SV2B: variants seen among roughly 807,000 people sequenced by gnomAD.
SV2B encodes solute carrier family 22 member B2.
SV2B carries 41 observed loss-of-function variants against 73.9 expected under a neutral mutation model. The ratio of observed to expected loss-of-function variants is 0.56; its 90% CI spans 0.43 to 0.72. SV2B has a LOEUF of 0.72. Among genes scored for constraint, SV2B ranks in the 30% least tolerant of loss-of-function variants. The pLI is 0.00. For synonymous variants in SV2B, 314 were observed against 314.2 expected, an observed-to-expected ratio of 1.00 and a Z score of 0.01; for missense variants, 764 against 857.8, an observed-to-expected ratio of 0.89 and a Z score of 1.37.
intron 1 of SV2B, among the ~76,000 whole-genome samples, chr15:91,146,637 GT>G (rs1477039235): frequency 6.6e-6 from 1 of 152,082 alleles, no homozygotes; most frequent in African/African-American, 2.4e-5. Context: ...AGTATTTGTA[GT>G]TTTCCTTGTA....
chr15:91,162,931 A>C (rs1201215034), intron 1 of SV2B, among the ~76,000 whole-genome samples: 6 of 141,418 alleles, frequency 4.2e-5, no homozygotes, highest in South Asian at 5.0e-4. Context: ...ACCCCACGAC[A>C]GGCTCCTGTG....
intron 2 of SV2B, among the ~76,000 whole-genome samples, chr15:91,244,326 T>C (rs1021521125): frequency 4.6e-5 from 7 of 152,226 alleles, no homozygotes; most frequent in African/African-American, 1.7e-4. Context: ...TGTATCCAAA[T>C]ATCTTATGTG....
chr15:91,149,075 A>C (rs1019421268), intron 1 of SV2B, among the ~76,000 whole-genome samples: 1 of 152,206 alleles, frequency 6.6e-6, no homozygotes, highest in African/African-American at 2.4e-5. Flanking sequence ...GCCAGCTCTT[A>C]ATCCTGGTGG....
intron 1 of SV2B, among the ~76,000 whole-genome samples, chr15:91,111,675 G>A (rs2042039752): frequency 6.6e-6 from 1 of 152,148 alleles, no homozygotes; most frequent in South Asian, 2.1e-4. Context: ...TGGTGTATTA[G>A]TCTGTTCTTT....
Position 91,136,295 on chromosome 15 carries a change from G to A in SV2B, c.-392+35932G>A, listed in dbSNP as rs373413910. 1.4e-4 allele frequency among the ~76,000 whole-genome samples: 22 copies of A among 152,126 alleles called. No homozygotes were observed. The highest frequency in any genetic ancestry group is 4.6e-4 in the African/African-American group (19 of 41,438). On this transcript the variant is annotated intron_variant, in intron 1 of 12. Transcript: ENST00000394232. This position sits in a 1 kb window ranked among gnomAD's most constrained non-coding sequence, Gnocchi z 5.6. ...AACCTCAGATTAGTCGGGAGAGAGC[G>A]GCCGACCTCAGCAGGTTGCTGGAAG... is the stretch of plus-strand genomic sequence containing the variant.
Position 91,140,249 on chromosome 15 carries a change from A to G in SV2B, c.-392+39886A>G, listed in dbSNP as rs975663581. 2.0e-5 allele frequency among the ~76,000 whole-genome samples: 3 copies of G among 152,232 alleles called. No individual in the cohort carries two copies. The highest frequency in any genetic ancestry group is 6.5e-5 in the Admixed American group (1 of 15,290). On this transcript the variant is annotated intron_variant, in intron 1 of 12. Coordinates refer to ENST00000394232, the MANE Select transcript of SV2B (RefSeq NM_001323032.3). This position sits in a 1 kb window ranked among gnomAD's most constrained non-coding sequence, Gnocchi z 4.4. ...TCAAAGTAATAGCAGCTAGGAACAA[A>G]GTTACATTTTCTCAAGCCTTGACAT...
rs1022140314 is a variant in SV2B at position 91,124,898 on chromosome 15, C to T, written c.-392+24535C>T. ...CGAACTCCTGACTTCAAGTGATCCACCCGCCTCGGCCTCCCAAAGTGCTGA... is the reference window on the plus strand; with the variant it reads ...CGAACTCCTGACTTCAAGTGATCCATCCGCCTCGGCCTCCCAAAGTGCTGA... On this transcript the variant is annotated intron_variant, in intron 1 of 12. Coordinates refer to ENST00000394232, the MANE Select transcript of SV2B (RefSeq NM_001323032.3). This position sits in a 1 kb window ranked among gnomAD's most constrained non-coding sequence, Gnocchi z 4.6. Among the ~76,000 whole-genome samples the T allele has an allele frequency of 6.6e-6, 1 of 152,188 alleles. No individual in the cohort carries two copies. The highest frequency in any genetic ancestry group is 1.5e-5 in the Non-Finnish European group (1 of 68,040).
intron 1 of SV2B, among the ~76,000 whole-genome samples, chr15:91,113,790 A>T (rs1166082131): frequency 2.0e-5 from 3 of 152,160 alleles, no homozygotes; most frequent in Non-Finnish European, 2.9e-5. Context: ...GACAAGTTTA[A>T]CTTCACAGAG....
At chr15:91,272,016 C>G (rs1226326812) in intron 9 of SV2B, among the ~76,000 whole-genome samples, 1 of 152,170 alleles carries the variant, frequency 6.6e-6, no homozygotes, top group Non-Finnish European at 1.5e-5. Flanking sequence ...AAAGGAAATT[C>G]TATTGAAACC....
intron 1 of SV2B, among the ~76,000 whole-genome samples, chr15:91,188,782 A>G (rs1316484213): frequency 6.6e-6 from 1 of 152,024 alleles, no homozygotes; most frequent in Non-Finnish European, 1.5e-5. Context: ...TCTAATACTA[A>G]GTTCTTGAGG....
At chr15:91,120,789 GT>G (rs2042310226) in intron 1 of SV2B, among the ~76,000 whole-genome samples, 1 of 144,512 alleles carries the variant, frequency 6.9e-6, no homozygotes, top group Non-Finnish European at 1.5e-5. Flanking sequence ...TCCAGCCTGT[GT>G]GACAGAGTGA....
chr15:91,254,996 G>C (rs1448317665), intron 4 of SV2B, among the ~76,000 whole-genome samples: 1 of 152,148 alleles, frequency 6.6e-6, no homozygotes, highest in South Asian at 2.1e-4. Context: ...ATGCAGATCC[G>C]GAAGGGTTTA....
chr15:91,174,701 C>G (rs2044241196), intron 1 of SV2B, among the ~76,000 whole-genome samples: 1 of 152,104 alleles, frequency 6.6e-6, no homozygotes, highest in East Asian at 1.9e-4. Context: ...TAGTGATAGT[C>G]AAAGAAAAGC....
intron 1 of SV2B, among the ~76,000 whole-genome samples, chr15:91,143,856 A>G (rs928541264): frequency 1.3e-5 from 2 of 152,256 alleles, no homozygotes; most frequent in African/African-American, 2.4e-5. Context: ...TTAAATGAGC[A>G]CTGGCAGTGA....
chr15:91,116,032 T>A (rs1229951488), intron 1 of SV2B, among the ~76,000 whole-genome samples: 1 of 152,224 alleles, frequency 6.6e-6, no homozygotes, highest in African/African-American at 2.4e-5. Context: ...TCAGAATTTC[T>A]AGCTTGCTTA....
rs1350728724 is a variant in SV2B, at chr15:91,252,957, G to A, written c.784+437G>A. Among the ~76,000 whole-genome samples the A allele has an allele frequency of 6.6e-6, 1 of 152,140 alleles. No homozygotes were observed. Among genetic ancestry groups the A allele is most frequent in the Non-Finnish European group, 1.5e-5 (1 of 68,032 alleles). On this transcript the variant is annotated intron_variant, in intron 4 of 12. Transcript: ENST00000394232. The surrounding 1 kb of genome is among the most constrained non-coding windows in gnomAD (Gnocchi z 4.6). The stretch of plus-strand genomic sequence containing the variant: ...ATGTCCCTGGCATGTGGTGGAGTGG[G>A]GGCTGGAGTCCTGATGTCCCCTCAG...
intron 4 of SV2B, among the ~76,000 whole-genome samples, chr15:91,254,155 T>C (rs1217742792): frequency 6.6e-6 from 1 of 152,164 alleles, no homozygotes; most frequent in African/African-American, 2.4e-5. Context: ...TTTCTTTTTT[T>C]CCTCACAATT....
intron 2 of SV2B, among the ~76,000 whole-genome samples, chr15:91,248,602 T>C (rs1360264716): frequency 6.6e-6 from 1 of 152,154 alleles, no homozygotes; most frequent in African/African-American, 2.4e-5. Flanking sequence ...AATGAGATCT[T>C]TGGGTTCCAA....
chr15:91,276,590 T>A (rs1307608387), intron 9 of SV2B, among the ~76,000 whole-genome samples: 1 of 151,968 alleles, frequency 6.6e-6, no homozygotes, highest in Non-Finnish European at 1.5e-5. Flanking sequence ...ATGATGAGCC[T>A]AATAATGAGT....
Sources: gnomAD v4.1 joint callset for allele counts (sites outside exome capture counted in the v4.1 genomes callset) on GRCh38, gnomAD v4.1.1 for gene constraint, Gnocchi (gnomAD v3.1) non-coding constraint, MANE v1.5 for transcripts, NCBI Gene and HGNC (gene_info 2026-07-23, HGNC 2026-07-21) for gene names.